The following TXNDC8 variants were observed in gnomAD, a reference collection of about 807,000 sequenced individuals.
The protein encoded by TXNDC8 is thioredoxin domain-containing protein 8.
Under a neutral mutation model 12.9 loss-of-function variants are expected in TXNDC8, and 15 were observed. The observed-to-expected ratio is 1.16, with a 90% confidence interval of 0.78 to 1.79. The LOEUF is 1.79. Ranked by LOEUF, TXNDC8 falls within the 40% of genes most tolerant of loss-of-function variation. The pLI is 0.00. For missense variants in TXNDC8, 128 were observed against 113.2 expected, an observed-to-expected ratio of 1.13 and a Z score of -0.59; for synonymous variants, 40 against 35.4, an observed-to-expected ratio of 1.13 and a Z score of -0.46.
Position 110,317,242 on chromosome 9 carries a change from A to T in TXNDC8, c.195+8933T>A, listed in dbSNP as rs75827394. On this transcript the variant is annotated intron_variant, in intron 3 of 4. Transcript: ENST00000423740. ...GGGTGAAACTTTATTCTCAGGGATA[A>T]ACATGGTTTGGGGGCCATTCCCTTC... is the stretch of plus-strand genomic sequence containing the variant. Among the ~76,000 whole-genome samples the T allele has an allele frequency of 3.2e-4, 49 of 152,254 alleles. No individual in the cohort carries two copies. In the East Asian group the frequency reaches 8.3e-3, roughly 26 times the overall value.
Position 110,317,147 on chromosome 9 carries a change from CT to C in TXNDC8, c.195+9027del, listed in dbSNP as rs1298009455. 3.9e-5 allele frequency among the ~76,000 whole-genome samples: 6 copies of C among 152,288 alleles called. No individual in the cohort carries two copies. In the East Asian group the frequency reaches 1.2e-3, roughly 29 times the overall value. On this transcript the variant is annotated intron_variant, in intron 3 of 4. Transcript: ENST00000423740. ...CGTGGGAATTCACCTCAAGCCACAC[CT>C]TGAACAGGAAAACTGATTTTGGACT...
intron 3 of TXNDC8, among the ~76,000 whole-genome samples, chr9:110,305,876 CTTTT>C (rs1838453598): frequency 1.0e-5 from 1 of 99,112 alleles, no homozygotes; most frequent in Non-Finnish European, 2.1e-5. Flanking sequence ...CTTTTCTTTT[CTTTT>C]TTTGACAGAG....
chr9:110,302,094 ATCC>A (rs1453763426), downstream of TXNDC8, among the ~76,000 whole-genome samples: 11 of 152,152 alleles, frequency 7.2e-5, no homozygotes, highest in African/African-American at 2.4e-4. Flanking sequence ...GGCGCAAGTA[ATCC>A]TCCCACCTCA....
chr9:110,305,890 G>C (rs1838454169), intron 3 of TXNDC8, among the ~76,000 whole-genome samples: 1 of 136,826 alleles, frequency 7.3e-6, no homozygotes, highest in Non-Finnish European at 1.5e-5. Flanking sequence ...TTTTGACAGA[G>C]TCTTTCTCTG....
chr9:110,309,719 T>C (rs998382258), intron 3 of TXNDC8, among the ~76,000 whole-genome samples: 4 of 152,138 alleles, frequency 2.6e-5, no homozygotes, highest in African/African-American at 9.7e-5. Context: ...TCAGAGATAA[T>C]AGACCTCTGG....
intron 3 of TXNDC8, 46 bp downstream of exon 4, chr9:110,326,129 G>T (rs778922934): frequency 6.2e-7 from 1 of 1,602,734 alleles, no homozygotes; most frequent in Non-Finnish European, 8.5e-7. Context: ...GGACTCTGAT[G>T]GTTCTATAAT....
intron 3 of TXNDC8, among the ~76,000 whole-genome samples, chr9:110,305,381 G>A (rs1439860891): frequency 1.3e-5 from 2 of 151,972 alleles, no homozygotes; most frequent in Non-Finnish European, 2.9e-5. Context: ...CATTTTTGCT[G>A]TGACAAATAG....
At chr9:110,303,060 T>TC (rs905510919), downstream of TXNDC8, among the ~76,000 whole-genome samples, 37 of 145,756 alleles carry the variant, frequency 2.5e-4, no homozygotes, top group African/African-American at 9.3e-4. Context: ...CAAGACTGTC[T>TC]CAAAAAAAAA....
chr9:110,305,589 T>C (rs1241564347), intron 3 of TXNDC8, among the ~76,000 whole-genome samples: 1 of 139,612 alleles, frequency 7.2e-6, no homozygotes, highest in African/African-American at 3.1e-5. Flanking sequence ...TTTCTTTCTT[T>C]CTTTCTTTCT....
rs71373981 is a variant in TXNDC8 at position 110,311,695 on chromosome 9, T to TATAC, written c.196-7164_196-7163insGTAT. ...GTATATCCTTATATATATATATATATACATGGATATACTATATTACTATAT... is the reference window on the plus strand; with the variant it reads ...GTATATCCTTATATATATATATATATATACACATGGATATACTATATTACTATAT... On this transcript the variant is annotated intron_variant, in intron 3 of 4. Coordinates refer to ENST00000423740, the MANE Select transcript of TXNDC8 (RefSeq NM_001286946.2). Among the ~76,000 whole-genome samples, 875 of 134,780 alleles carry TATAC rather than the reference T, an allele frequency of 6.5e-3. 7 individuals are homozygous for TATAC. The highest frequency in any genetic ancestry group is 0.011 in the Non-Finnish European group (689 of 63,230). 88.4% of individuals were successfully genotyped at this position (134,780 alleles called of 152,430 possible). A position where few individuals can be genotyped will look rare whatever the true frequency, so the allele number is the denominator to read the frequency against.
intron 3 of TXNDC8, among the ~76,000 whole-genome samples, chr9:110,311,543 A>G (rs1418604249): frequency 7.9e-6 from 1 of 126,428 alleles, no homozygotes; most frequent in African/African-American, 3.3e-5. Context: ...ATATATATAT[A>G]TATATATATA....
intron 3 of TXNDC8, among the ~76,000 whole-genome samples, chr9:110,313,349 A>G (rs1387931159): frequency 6.6e-6 from 1 of 152,232 alleles, no homozygotes; most frequent in Non-Finnish European, 1.5e-5. Flanking sequence ...GAAGAAAATA[A>G]CAGCAATCTA....
In TXNDC8 at chr9:110,307,401, G is replaced by T. The variant is rs561515808; in HGVS notation, c.196-2869C>A. Among the ~76,000 whole-genome samples, 23 of 152,152 alleles carry T rather than the reference G, an allele frequency of 1.5e-4. No individual in the cohort carries two copies. In the South Asian group the frequency reaches 2.1e-3, roughly 14 times the overall value. ...TTTGCCAAAGAGAAATGTTACATTC[G>T]TGTCTTCCTATCCAGCACTGGGCTT... On this transcript the variant is annotated intron_variant, in intron 3 of 4. Transcript: ENST00000423740.
intron 2 of TXNDC8, among the ~76,000 whole-genome samples, chr9:110,326,473 A>G (rs1041447605): frequency 6.6e-6 from 1 of 152,212 alleles, no homozygotes; most frequent in Non-Finnish European, 1.5e-5. Context: ...TTTTCATCCC[A>G]TAGAACCAGG....
chr9:110,327,220 A>T (rs1433973758), intron 2 of TXNDC8, among the ~76,000 whole-genome samples: 1 of 152,214 alleles, frequency 6.6e-6, no homozygotes, highest in African/African-American at 2.4e-5. Context: ...AGAAAGTTAA[A>T]CACAGAGTTA....
At position 110,334,292 on chromosome 9, in the gene TXNDC8, G is replaced by T; in HGVS notation, c.53C>A (p.Ala18Asp). Residue 18 changes from alanine to aspartate, a missense_variant, in exon 2 of 5, where the codon GCC (alanine) becomes GAC (aspartate). Physicochemically the swap from Ala to Asp is moderately radical, Grantham distance 126. Transcript: ENST00000423740. ...TTGAACCACTGCGAGTTTGTGTCCG[G>T]CAGCTGTCAAAAATGTTTTAAATTC... 6.2e-7 allele frequency: 1 copy of T among 1,613,626 alleles called. No individual in the cohort carries two copies. Among genetic ancestry groups the T allele is most frequent in the Non-Finnish European group, 8.5e-7 (1 of 1,179,624 alleles).
chr9:110,326,456 C>T (rs1839321912), intron 2 of TXNDC8, among the ~76,000 whole-genome samples: 1 of 152,178 alleles, frequency 6.6e-6, no homozygotes, highest in Non-Finnish European at 1.5e-5. Flanking sequence ...TACAGCGTTC[C>T]TGGGCTTTTT....
chr9:110,312,126 T>C (rs1838712569), intron 3 of TXNDC8, among the ~76,000 whole-genome samples: 1 of 152,162 alleles, frequency 6.6e-6, no homozygotes, highest in Non-Finnish European at 1.5e-5. Context: ...TGTATTGTTT[T>C]TCAGAGTCAA....
At chr9:110,321,646 C>T (rs926162701) in intron 3 of TXNDC8, among the ~76,000 whole-genome samples, 1 of 146,438 alleles carries the variant, frequency 6.8e-6, no homozygotes, top group Non-Finnish European at 1.5e-5. Context: ...AGGTAGTCCT[C>T]AAAAAAGTGC....
Sources: gnomAD v4.1 joint callset for allele counts (sites outside exome capture counted in the v4.1 genomes callset) on GRCh38, gnomAD v4.1.1 for gene constraint, MANE v1.5 for transcripts, NCBI Gene and HGNC (gene_info 2026-07-23, HGNC 2026-07-21) for gene names.